Variants in NRXN3 observed in about 807,000 individuals in gnomAD.
NRXN3 encodes neurexin 3.
A neutral mutation model predicts 137.6 loss-of-function variants in NRXN3; 32 were observed. The ratio of observed to expected loss-of-function variants is 0.23; its 90% CI spans 0.18 to 0.31. The LOEUF (loss-of-function observed/expected upper bound fraction) is 0.31. NRXN3 is among the 10% of genes least tolerant of loss of function. The pLI is 1.00. For synonymous variants in NRXN3, 798 were observed against 784.5 expected, an observed-to-expected ratio of 1.02 and a Z score of -0.29; for missense variants, 1,574 against 2,062.5, an observed-to-expected ratio of 0.76 and a Z score of 4.59.
At chr14:78,623,058 C>T (rs1348632390) in intron 4 of NRXN3, among the ~76,000 whole-genome samples, 1 of 152,190 alleles carries the variant, frequency 6.6e-6, no homozygotes, top group African/African-American at 2.4e-5. Context: ...TTGCGGATGG[C>T]TAAACTGAAG....
At chr14:79,515,998 G>A (rs959471099) in intron 16 of NRXN3, among the ~76,000 whole-genome samples, 2 of 152,180 alleles carry the variant, frequency 1.3e-5, no homozygotes, top group African/African-American at 2.4e-5. Flanking sequence ...CAGGGAAAGG[G>A]CCTTGTAGGC....
At chr14:79,482,678 T>TG (rs1365514726) in intron 16 of NRXN3, among the ~76,000 whole-genome samples, 9 of 151,198 alleles carry the variant, frequency 6.0e-5, no homozygotes, top group East Asian at 1.9e-4. Flanking sequence ...ACCACTAACC[T>TG]GGGGGGGAGA....
intron 19 of NRXN3, among the ~76,000 whole-genome samples, chr14:79,714,289 T>A (rs147732138): frequency 2.2e-4 from 33 of 152,344 alleles, no homozygotes; most frequent in African/African-American, 7.2e-4. Flanking sequence ...AGGTACAAGC[T>A]ACATTTTACT....
intron 15 of NRXN3, among the ~76,000 whole-genome samples, chr14:79,432,579 C>T (rs2095780307): frequency 6.6e-6 from 1 of 152,098 alleles, no homozygotes; most frequent in African/African-American, 2.4e-5. Context: ...TTCACTTCTC[C>T]CTTCCCCATT....
At chr14:78,512,471 A>G (rs1599698174) in intron 4 of NRXN3, among the ~76,000 whole-genome samples, 2 of 152,328 alleles carry the variant, frequency 1.3e-5, no homozygotes, top group East Asian at 3.9e-4. Context: ...ACTCCAAAAG[A>G]GACTGGAAAA....
intron 4 of NRXN3, among the ~76,000 whole-genome samples, chr14:78,381,787 G>T (rs532771203): frequency 6.6e-6 from 1 of 152,080 alleles, no homozygotes; most frequent in Non-Finnish European, 1.5e-5. Flanking sequence ...CCATAAACTG[G>T]GTGAATCCCC....
chr14:78,468,096 G>C (rs1284860904), intron 4 of NRXN3, among the ~76,000 whole-genome samples: 1 of 151,964 alleles, frequency 6.6e-6, no homozygotes, highest in African/African-American at 2.4e-5. Flanking sequence ...GCTAATTTTT[G>C]TATTTTTAGT....
intron 15 of NRXN3, among the ~76,000 whole-genome samples, chr14:79,100,281 C>A (rs2051035344): frequency 6.6e-6 from 1 of 152,208 alleles, no homozygotes; most frequent in African/African-American, 2.4e-5. Context: ...ATGTTCACAT[C>A]TAGGGTAGTA....
rs147543708 is a variant in NRXN3, at chr14:79,121,560, C to T, written c.3262+133419C>T. On this transcript the variant is annotated intron_variant, in intron 15 of 20. Transcript: ENST00000335750. ...ATTTTTTATTTTTTATTAGACAATT[C>T]TCTTTTGATTATCTCGTTTTATAAA... Among the ~76,000 whole-genome samples the T allele has an allele frequency of 3.7e-3, 559 of 152,192 alleles. 2 individuals carry two copies. Among genetic ancestry groups the T allele is most frequent in the African/African-American group, 0.013 (535 of 41,526 alleles).
At chr14:78,990,134 G>A (rs1280384512) in intron 15 of NRXN3, among the ~76,000 whole-genome samples, 1 of 152,124 alleles carries the variant, frequency 6.6e-6, no homozygotes, top group Non-Finnish European at 1.5e-5. Context: ...TTCCTTTGTG[G>A]CAACAGCTTA....
At chr14:78,884,607 AT>A (rs2099138026) in intron 10 of NRXN3, among the ~76,000 whole-genome samples, 1 of 152,196 alleles carries the variant, frequency 6.6e-6, no homozygotes, top group South Asian at 2.1e-4. Flanking sequence ...TAAATTCAGG[AT>A]TTAAAAAAGA....
intron 16 of NRXN3, among the ~76,000 whole-genome samples, chr14:79,592,947 C>T (rs1213646592): frequency 6.6e-6 from 1 of 152,164 alleles, no homozygotes; most frequent in Non-Finnish European, 1.5e-5. Context: ...AACTTAGGAT[C>T]TTATTTGAAA....
intron 4 of NRXN3, among the ~76,000 whole-genome samples, chr14:78,423,121 T>C (rs1336785741): frequency 8.5e-5 from 13 of 152,090 alleles, no homozygotes; most frequent in African/African-American, 3.1e-4. Flanking sequence ...TTAACTTAAT[T>C]AGCATTTCCA....
At position 79,641,505 on chromosome 14, in the gene NRXN3, T is replaced by C. The variant is rs913976149; in HGVS notation, c.3445-22273T>C. Among the ~76,000 whole-genome samples, 12 of 135,746 alleles carry C rather than the reference T, an allele frequency of 8.8e-5. 4 individuals carry two copies. The highest frequency in any genetic ancestry group is 2.1e-4 in the Non-Finnish European group (12 of 58,366). 89.1% of individuals were successfully genotyped at this position (135,746 alleles called of 152,430 possible). ...ATCATACCAAATATTTACGCCCATGTTTACAGGCCTGCAGGTTGACTGAAA... is the reference window on the plus strand; with the variant it reads ...ATCATACCAAATATTTACGCCCATGCTTACAGGCCTGCAGGTTGACTGAAA... On this transcript the variant is annotated intron_variant, in intron 16 of 20. Coordinates refer to ENST00000335750, the MANE Select transcript of NRXN3 (RefSeq NM_001330195.2).
intron 15 of NRXN3, among the ~76,000 whole-genome samples, chr14:79,466,799 G>A (rs941843296): frequency 2.6e-5 from 4 of 152,122 alleles, no homozygotes; most frequent in African/African-American, 9.7e-5. Flanking sequence ...TGGCTCCACT[G>A]ACCAGATTAT....
At chr14:79,267,222 C>T (rs1457764648) in intron 15 of NRXN3, among the ~76,000 whole-genome samples, 1 of 152,104 alleles carries the variant, frequency 6.6e-6, no homozygotes, top group African/African-American at 2.4e-5. Flanking sequence ...TCACAGTTCT[C>T]TTTCTAAAAG....
chr14:78,917,026 C>A (rs2099257040), intron 10 of NRXN3, among the ~76,000 whole-genome samples: 1 of 152,122 alleles, frequency 6.6e-6, no homozygotes, highest in Non-Finnish European at 1.5e-5. Context: ...AATTGAATTA[C>A]TTCTTAAAGA....
intron 15 of NRXN3, among the ~76,000 whole-genome samples, chr14:79,229,886 A>G (rs1159770940): frequency 1.3e-5 from 2 of 151,978 alleles, no homozygotes; most frequent in Admixed American, 6.6e-5. Context: ...TATTTTTGCA[A>G]TTGTGAATAT....
At chr14:78,669,166 A>T (rs1434095394) in intron 6 of NRXN3, among the ~76,000 whole-genome samples, 1 of 152,220 alleles carries the variant, frequency 6.6e-6, no homozygotes, top group Non-Finnish European at 1.5e-5. Context: ...CAGTAATTCC[A>T]TAGAGAGAGA....
Sources: gnomAD v4.1 joint callset for allele counts (sites outside exome capture counted in the v4.1 genomes callset) on GRCh38, gnomAD v4.1.1 for gene constraint, MANE v1.5 for transcripts, NCBI Gene and HGNC (gene_info 2026-07-23, HGNC 2026-07-21) for gene names.